The following STARD13 variants were observed in gnomAD, a reference collection of about 807,000 sequenced individuals.
The protein encoded by STARD13 is StAR related lipid transfer domain containing 13.
Under a neutral mutation model 106.4 loss-of-function variants are expected in STARD13, and 62 were observed. The ratio of observed to expected loss-of-function variants is 0.58; its 90% CI spans 0.48 to 0.72. The LOEUF is 0.72. Among genes scored for constraint, STARD13 ranks in the 30% least tolerant of loss-of-function variants. STARD13 has a pLI of 0.00. For synonymous variants in STARD13, 565 were observed against 553.0 expected (o/e 1.02, Z -0.31); for missense variants, 1,387 against 1,424.0 (o/e 0.97, Z 0.42).
intron 1 of STARD13, among the ~76,000 whole-genome samples, chr13:33,316,984 G>C (rs1000458236): frequency 1.3e-5 from 2 of 152,064 alleles, no homozygotes; most frequent in Non-Finnish European, 2.9e-5. Flanking sequence ...TTTGTCTTCA[G>C]TTGTCTTCTG....
the STARD13 span, among the ~76,000 whole-genome samples, chr13:33,552,109 T>C: frequency 6.6e-6 from 1 of 152,126 alleles, no homozygotes; most frequent in Non-Finnish European, 1.5e-5. Context: ...AGAAAAGTTA[T>C]ATATATACCT....
chr13:33,460,842 C>A, the STARD13 span, among the ~76,000 whole-genome samples: 5 of 152,110 alleles, frequency 3.3e-5, no homozygotes, highest in Admixed American at 2.0e-4. Flanking sequence ...AAATTGGCAA[C>A]TTTAAGCCTG....
chr13:33,146,248 C>T (rs894999560), intron 3 of STARD13, among the ~76,000 whole-genome samples: 12 of 152,072 alleles, frequency 7.9e-5, no homozygotes, highest in South Asian at 2.1e-4. Flanking sequence ...TGCTTGAACC[C>T]GGGAGGCGGA....
chr13:33,411,745 A>G, the STARD13 span, among the ~76,000 whole-genome samples: 3 of 152,200 alleles, frequency 2.0e-5, no homozygotes, highest in Non-Finnish European at 4.4e-5. Flanking sequence ...TTCATATTGG[A>G]TTCTTTCACT....
chr13:33,477,994 T>G, the STARD13 span, among the ~76,000 whole-genome samples: 1,332 of 151,486 alleles, frequency 8.8e-3, 6 homozygotes, highest in Middle Eastern at 0.02. Context: ...TCATCATGAC[T>G]CATGACTGCT....
intron 1 of STARD13, among the ~76,000 whole-genome samples, chr13:33,177,515 G>A (rs1001953304): frequency 3.3e-5 from 5 of 152,120 alleles, no homozygotes; most frequent in African/African-American, 4.8e-5. Flanking sequence ...TGGCAAATCC[G>A]TCAAAGTCAA....
At chr13:33,433,131 G>T in the STARD13 span, among the ~76,000 whole-genome samples, 2 of 152,078 alleles carry the variant, frequency 1.3e-5, no homozygotes, top group Non-Finnish European at 2.9e-5. Context: ...TTGATACTTC[G>T]GTGCTTCTGA....
the STARD13 span, among the ~76,000 whole-genome samples, chr13:33,367,646 C>G: frequency 6.6e-6 from 1 of 151,670 alleles, no homozygotes; most frequent in Non-Finnish European, 1.5e-5. Flanking sequence ...TTGCATTAAG[C>G]CGGTCTGTTT....
chr13:33,416,498 C>T, the STARD13 span, among the ~76,000 whole-genome samples: 1 of 152,140 alleles, frequency 6.6e-6, no homozygotes, highest in East Asian at 1.9e-4. Context: ...AGGATGTAGT[C>T]TGTAGTTTCT....
At chr13:33,499,951 G>A in the STARD13 span, among the ~76,000 whole-genome samples, 6 of 151,510 alleles carry the variant, frequency 4.0e-5, no homozygotes, top group Non-Finnish European at 7.4e-5. Context: ...GTTGTTGTTC[G>A]CTGTGCTGCC....
At chr13:33,521,779 C>G in the STARD13 span, among the ~76,000 whole-genome samples, 1 of 152,008 alleles carries the variant, frequency 6.6e-6, no homozygotes, top group East Asian at 1.9e-4. Flanking sequence ...GTTATTCTGT[C>G]CCTATCATGA....
chr13:33,594,767 G>T, the STARD13 span, among the ~76,000 whole-genome samples: 1 of 152,182 alleles, frequency 6.6e-6, no homozygotes, highest in Non-Finnish European at 1.5e-5. Context: ...GAATTATGCA[G>T]AACTTGTCCT....
At chr13:33,376,985 C>T in the STARD13 span, among the ~76,000 whole-genome samples, 1 of 152,180 alleles carries the variant, frequency 6.6e-6, no homozygotes, top group African/African-American at 2.4e-5. Flanking sequence ...TGAACATGTA[C>T]TTGGGGGTTG....
At chr13:33,470,540 A>G in the STARD13 span, among the ~76,000 whole-genome samples, 4 of 152,226 alleles carry the variant, frequency 2.6e-5, no homozygotes, top group Non-Finnish European at 4.4e-5. Flanking sequence ...ACTCTCACCA[A>G]CAGTGTAAAA....
At chr13:33,563,720 G>A in the STARD13 span, among the ~76,000 whole-genome samples, 1 of 147,448 alleles carries the variant, frequency 6.8e-6, no homozygotes, top group Non-Finnish European at 1.5e-5. Flanking sequence ...GCAAAAGTAG[G>A]CAAATGGAAT....
At chr13:33,486,554 A>G in the STARD13 span, among the ~76,000 whole-genome samples, 1 of 152,228 alleles carries the variant, frequency 6.6e-6, no homozygotes, top group African/African-American at 2.4e-5. Flanking sequence ...GTACCACTGT[A>G]AATTCAAACT....
chr13:33,549,991 G>A, the STARD13 span, among the ~76,000 whole-genome samples: 2 of 152,130 alleles, frequency 1.3e-5, no homozygotes, highest in South Asian at 2.1e-4. Flanking sequence ...TTGCTAGCAT[G>A]CTGATCAAGA....
chr13:33,517,750 T>C, the STARD13 span, among the ~76,000 whole-genome samples: 1 of 152,126 alleles, frequency 6.6e-6, no homozygotes, highest in South Asian at 2.1e-4. Context: ...CAGCTGGACA[T>C]ACTCTTGCAA....
intron 1 of STARD13, chr13:33,185,765 G>A (rs773870932): frequency 1.0e-5 from 10 of 974,952 alleles, no homozygotes; most frequent in East Asian, 2.4e-5. Context: ...TTATCTTTCC[G>A]CCATGTCCTT....
Sources: gnomAD v4.1 joint callset for allele counts (sites outside exome capture counted in the v4.1 genomes callset) on GRCh38, gnomAD v4.1.1 for gene constraint, MANE v1.5 for transcripts, NCBI Gene and HGNC (gene_info 2026-07-23, HGNC 2026-07-21) for gene names.